LRMDA: variants seen among roughly 807,000 people sequenced by gnomAD.
LRMDA encodes leucine-rich melanocyte differentiation-associated protein.
Under a neutral mutation model 29.8 loss-of-function variants are expected in LRMDA, and 18 were observed. The ratio of observed to expected loss-of-function variants is 0.60; its 90% CI spans 0.42 to 0.90. The LOEUF is 0.90. LRMDA is among the 40% of genes least tolerant of loss of function. The pLI is 0.00. For missense variants in LRMDA, 273 were observed against 273.9 expected (o/e 1.00, Z 0.02); for synonymous variants, 125 against 109.4 (o/e 1.14, Z -0.89).
At chr10:76,484,249 TG>T (rs1842760468) in intron 6 of LRMDA, among the ~76,000 whole-genome samples, 1 of 151,724 alleles carries the variant, frequency 6.6e-6, no homozygotes, top group African/African-American at 2.4e-5. Flanking sequence ...TCCTTCTACT[TG>T]TCATTCTTCT....
chr10:75,469,423 A>G (rs1005984893), intron 2 of LRMDA, among the ~76,000 whole-genome samples: 1 of 152,102 alleles, frequency 6.6e-6, no homozygotes, highest in African/African-American at 2.4e-5. Flanking sequence ...AGCTCTAAAG[A>G]GAGCTGAACC....
At chr10:75,817,360 T>C (rs1368966844) in intron 2 of LRMDA, among the ~76,000 whole-genome samples, 2 of 152,258 alleles carry the variant, frequency 1.3e-5, no homozygotes, top group African/African-American at 4.8e-5. Flanking sequence ...TCATCTGAGA[T>C]AGGATGATCA....
At chr10:76,484,389 G>A (rs1170818788) in intron 6 of LRMDA, among the ~76,000 whole-genome samples, 3 of 151,852 alleles carry the variant, frequency 2.0e-5, no homozygotes, top group Admixed American at 6.6e-5. Context: ...CAATAGAGCA[G>A]TTCAGGGGAA....
intron 5 of LRMDA, among the ~76,000 whole-genome samples, chr10:76,063,744 A>C (rs1042066736): frequency 2.6e-5 from 4 of 152,172 alleles, no homozygotes; most frequent in Non-Finnish European, 5.9e-5. Context: ...TGCTCCCACA[A>C]ATACCCTACA....
intron 2 of LRMDA, among the ~76,000 whole-genome samples, chr10:75,493,873 G>A (rs545381785): frequency 1.4e-4 from 21 of 149,176 alleles, no homozygotes; most frequent in East Asian, 1.0e-3. Context: ...TTGACTCTCC[G>A]TGACTGACTT....
chr10:76,517,935 TAAAC>T (rs1275554012), intron 6 of LRMDA, among the ~76,000 whole-genome samples: 8 of 35,602 alleles, frequency 2.2e-4, no homozygotes, highest in Admixed American at 9.6e-4. Context: ...TATATATATA[TAAAC>T]ATATATATAT....
intron 5 of LRMDA, among the ~76,000 whole-genome samples, chr10:76,220,063 A>C (rs1851801526): frequency 6.6e-6 from 1 of 152,216 alleles, no homozygotes; most frequent in South Asian, 2.1e-4. Flanking sequence ...TGTTCTTTGA[A>C]ACCAATGAGA....
At chr10:76,479,776 T>C (rs972131715) in intron 6 of LRMDA, among the ~76,000 whole-genome samples, 3 of 151,970 alleles carry the variant, frequency 2.0e-5, no homozygotes, top group African/African-American at 7.2e-5. Context: ...ACTGAACATT[T>C]AGTTCCTCAT....
At chr10:75,657,029 A>G (rs1257438387) in intron 2 of LRMDA, among the ~76,000 whole-genome samples, 3 of 152,162 alleles carry the variant, frequency 2.0e-5, no homozygotes, top group Non-Finnish European at 2.9e-5. Flanking sequence ...GCTTGAGAGG[A>G]AGGAGCATGG....
At chr10:76,527,322 A>AGTGTTTAAG (rs1843187434) in intron 6 of LRMDA, among the ~76,000 whole-genome samples, 1 of 152,114 alleles carries the variant, frequency 6.6e-6, no homozygotes, top group Non-Finnish European at 1.5e-5. Flanking sequence ...TTCTGTACAG[A>AGTGTTTAAG]GTGTTTAAGA....
chr10:76,027,864 C>T (rs1848086831), intron 2 of LRMDA, among the ~76,000 whole-genome samples: 2 of 152,098 alleles, frequency 1.3e-5, no homozygotes. Context: ...TAGCTGCCTA[C>T]AATATTATTT....
intron 2 of LRMDA, among the ~76,000 whole-genome samples, chr10:75,926,960 C>A (rs1301456182): frequency 6.6e-6 from 1 of 152,160 alleles, no homozygotes; most frequent in Non-Finnish European, 1.5e-5. Flanking sequence ...CTTTAGGAAG[C>A]CTCCCCTAGT....
intron 2 of LRMDA, among the ~76,000 whole-genome samples, chr10:75,441,727 C>A (rs1450697399): frequency 3.9e-5 from 6 of 152,132 alleles, no homozygotes; most frequent in East Asian, 1.9e-4. Context: ...AAAATTAACC[C>A]TTTCCTCTAC....
chr10:76,330,644 C>T (rs10824399), intron 6 of LRMDA, among the ~76,000 whole-genome samples: 22,142 of 152,022 alleles, frequency 0.15, 2,813 homozygotes, highest in African/African-American at 0.34. Context: ...AAGAGAAGGC[C>T]AGAGAGACCT....
At chr10:75,470,465 C>T (rs1198995204) in intron 2 of LRMDA, among the ~76,000 whole-genome samples, 3 of 152,218 alleles carry the variant, frequency 2.0e-5, no homozygotes, top group African/African-American at 4.8e-5. Context: ...CCACTGCACT[C>T]CAGCCTGGGA....
At chr10:76,359,319 G>A (rs951085527) in intron 6 of LRMDA, among the ~76,000 whole-genome samples, 3 of 152,178 alleles carry the variant, frequency 2.0e-5, no homozygotes, top group Non-Finnish European at 4.4e-5. Flanking sequence ...AGAAGACATA[G>A]GAGAAGACCC....
intron 5 of LRMDA, among the ~76,000 whole-genome samples, chr10:76,083,564 C>T (rs1849081621): frequency 6.6e-6 from 1 of 152,292 alleles, no homozygotes; most frequent in Non-Finnish European, 1.5e-5. Context: ...CACAGTGGCT[C>T]ACGCCTCTAA....
At chr10:75,729,593 A>C (rs1015873480) in intron 2 of LRMDA, among the ~76,000 whole-genome samples, 1 of 152,204 alleles carries the variant, frequency 6.6e-6, no homozygotes, top group African/African-American at 2.4e-5. Context: ...GGGTGTGTGT[A>C]TGAAAGGGTA....
intron 6 of LRMDA, among the ~76,000 whole-genome samples, chr10:76,343,420 C>A (rs1220791575): frequency 6.6e-6 from 1 of 152,092 alleles, no homozygotes; most frequent in East Asian, 1.9e-4. Flanking sequence ...CAGAGTAAAA[C>A]ATCATGTCCA....
Sources: allele counts gnomAD v4.1 joint callset (sites outside exome capture counted in the v4.1 genomes callset), GRCh38; gene constraint gnomAD v4.1.1; transcripts MANE v1.5; gene names NCBI Gene and HGNC (gene_info 2026-07-23, HGNC 2026-07-21).